CD200R1: variants seen among roughly 807,000 people sequenced by gnomAD.
The protein encoded by CD200R1 is CD200 receptor 1.
In CD200R1, 30 loss-of-function variants were observed where a neutral mutation model predicts 38.1. That is an observed-to-expected ratio of 0.79 (90% CI 0.59 to 1.07). The LOEUF is 1.07. CD200R1 is among the 50% of genes least tolerant of loss of function. The pLI is 0.00. For synonymous variants in CD200R1, 128 were observed against 152.1 expected, an observed-to-expected ratio of 0.84 and a Z score of 1.16; for missense variants, 372 against 415.4, an observed-to-expected ratio of 0.90 and a Z score of 0.91.
intron 2 of CD200R1, among the ~76,000 whole-genome samples, chr3:112,939,281 T>G (rs1168077192): frequency 6.6e-6 from 1 of 151,872 alleles, no homozygotes; most frequent in Non-Finnish European, 1.5e-5. Flanking sequence ...CCAGAGAAAT[T>G]AGGCAAGAAA....
chr3:112,963,672 A>C (rs1933079969), intron 1 of CD200R1, among the ~76,000 whole-genome samples: 1 of 152,200 alleles, frequency 6.6e-6, no homozygotes, highest in African/African-American at 2.4e-5. Flanking sequence ...AGCAGAGCAC[A>C]AAAGTTGATA....
In CD200R1 at chr3:112,929,258, C is replaced by T. The variant is rs1940362046; in HGVS notation, c.452G>A (p.Gly151Glu). 1 of 1,614,078 alleles carries T rather than the reference C, an allele frequency of 6.2e-7. No homozygotes were observed. The highest frequency in any genetic ancestry group is 2.2e-5 in the East Asian group (1 of 44,888). The change falls in exon 4 of 8, where the codon GGG (glycine) becomes GAG (glutamate). Residue 151 changes from glycine (G) to glutamate (E), a missense_variant. By Grantham distance (98) the Gly-to-Glu change is moderately conservative. Transcript: ENST00000308611. ...TGTTACCATTATGCATCTGTAATACCCGTCATGAGTGATGGCCACGGTACG... is the reference window on the plus strand; with the variant it reads ...TGTTACCATTATGCATCTGTAATACTCGTCATGAGTGATGGCCACGGTACG... ...QIRTVAITHD[G>E]YYRCIMVTPD...
At chr3:112,955,113 A>T (rs1018946388) in intron 1 of CD200R1, among the ~76,000 whole-genome samples, 1 of 152,214 alleles carries the variant, frequency 6.6e-6, no homozygotes, top group African/African-American at 2.4e-5. Context: ...AGCAAAGGAA[A>T]ACCAATTTGA....
At chr3:112,969,078 C>CA (rs1933235706) in intron 1 of CD200R1, among the ~76,000 whole-genome samples, 1 of 151,920 alleles carries the variant, frequency 6.6e-6, no homozygotes. Context: ...AATATATACT[C>CA]ACAATGAATG....
rs1446396704 is a variant in CD200R1 at position 112,922,428 on chromosome 3, T to C, written c.*1249A>G. ...GTCATGCCATCCCATGGCCACTTGC[T>C]TATTATGTAGCTCATAGTTTGTAAA... is the stretch of plus-strand genomic sequence containing the variant. On this transcript the variant is annotated 3_prime_UTR_variant, in exon 8 of 8. Transcript: ENST00000308611. 1 of 152,030 alleles carries C rather than the reference T, an allele frequency of 6.6e-6. No homozygotes were observed. The highest frequency in any genetic ancestry group is 1.5e-5 in the Non-Finnish European group (1 of 67,932). 9.4% of individuals were successfully genotyped at this position (152,030 alleles called of 1,614,324 possible).
Position 112,974,967 on chromosome 3 carries a change from C to A in CD200R1, c.-110G>T. On this transcript the variant is annotated 5_prime_UTR_variant, in exon 1 of 8. Coordinates refer to ENST00000308611, the MANE Select transcript of CD200R1 (RefSeq NM_138806.4). ...TCTGGTCAACTTCTCAGTACAGGAT[C>A]CTCTTACCCCATCAACAGTGGGGCA... 1 of 808,842 alleles carries A rather than the reference C, an allele frequency of 1.2e-6. No homozygotes were observed. 50.1% of individuals were successfully genotyped at this position (808,842 alleles called of 1,614,324 possible). A position where few individuals can be genotyped will look rare whatever the true frequency, so the allele number is the denominator to read the frequency against.
At chr3:112,970,163 T>C (rs1933266812) in intron 1 of CD200R1, among the ~76,000 whole-genome samples, 1 of 151,990 alleles carries the variant, frequency 6.6e-6, no homozygotes, top group African/African-American at 2.4e-5. Flanking sequence ...GAGTGATAGA[T>C]AGAGTAAGAC....
chr3:112,925,928 A>G (rs753910075), intron 5 of CD200R1, among the ~76,000 whole-genome samples: 1 of 152,128 alleles, frequency 6.6e-6, no homozygotes, highest in Non-Finnish European at 1.5e-5. Context: ...CTTTTTCAAT[A>G]CAGACTCCAG....
chr3:112,941,214 G>T (rs1940720753), intron 2 of CD200R1, among the ~76,000 whole-genome samples: 1 of 151,668 alleles, frequency 6.6e-6, no homozygotes, highest in African/African-American at 2.4e-5. Context: ...AGCTAGGTAG[G>T]ATGAGCAAGT....
intron 1 of CD200R1, among the ~76,000 whole-genome samples, chr3:112,952,362 A>AT (rs1024476576): frequency 2.6e-5 from 4 of 152,206 alleles, no homozygotes; most frequent in African/African-American, 7.2e-5. Context: ...TACTAAATTC[A>AT]TTTTTTAGTT....
At chr3:112,950,727 A>T (rs1199974320) in intron 1 of CD200R1, among the ~76,000 whole-genome samples, 1 of 152,214 alleles carries the variant, frequency 6.6e-6, no homozygotes, top group Non-Finnish European at 1.5e-5. Context: ...ATGTCCTCCA[A>T]CCAAAACAGA....
chr3:112,973,591 G>C (rs1933362622), intron 1 of CD200R1, among the ~76,000 whole-genome samples: 1 of 152,148 alleles, frequency 6.6e-6, no homozygotes, highest in Non-Finnish European at 1.5e-5. Flanking sequence ...AAAAAAGCAT[G>C]TGAAAATTCT....
At chr3:112,929,979 C>T (rs547491926) in intron 3 of CD200R1, among the ~76,000 whole-genome samples, 6 of 152,094 alleles carry the variant, frequency 3.9e-5, no homozygotes, top group South Asian at 2.1e-4. Context: ...TTCAGACAAA[C>T]ATAAATGTGG....
chr3:112,924,455 TA>T, intron 7 of CD200R1, 34 bp downstream of exon 7: 1 of 1,288,986 alleles, frequency 7.8e-7, no homozygotes, highest in Non-Finnish European at 1.0e-6. Flanking sequence ...ACTATTGGCT[TA>T]AGTTTGCAAT....
At chr3:112,957,964 C>G (rs759024695) in intron 1 of CD200R1, among the ~76,000 whole-genome samples, 1 of 151,926 alleles carries the variant, frequency 6.6e-6, no homozygotes, top group African/African-American at 2.4e-5. Context: ...ATAAGTATGG[C>G]TAAAATTAAA....
chr3:112,957,713 A>G (rs1042397025), intron 1 of CD200R1, among the ~76,000 whole-genome samples: 63 of 152,310 alleles, frequency 4.1e-4, no homozygotes, highest in African/African-American at 1.4e-3. Flanking sequence ...ACCATACAGT[A>G]AAAGAAAATG....
At chr3:112,966,555 C>A (rs1933167874) in intron 1 of CD200R1, among the ~76,000 whole-genome samples, 1 of 151,908 alleles carries the variant, frequency 6.6e-6, no homozygotes, top group Non-Finnish European at 1.5e-5. Context: ...ACCAGATATT[C>A]TCATATTATG....
At chr3:112,967,520 T>C (rs1933198320) in intron 1 of CD200R1, among the ~76,000 whole-genome samples, 1 of 152,240 alleles carries the variant, frequency 6.6e-6, no homozygotes, top group African/African-American at 2.4e-5. Flanking sequence ...TTTGCAGTAA[T>C]TGATTTAATA....
chr3:112,937,657 T>C (rs1940616555), intron 2 of CD200R1, among the ~76,000 whole-genome samples: 1 of 151,972 alleles, frequency 6.6e-6, no homozygotes, highest in African/African-American at 2.4e-5. Context: ...TTGCTGAGAA[T>C]TGCCTTTGCT....
Sources: allele counts gnomAD v4.1 joint callset (sites outside exome capture counted in the v4.1 genomes callset), GRCh38; gene constraint gnomAD v4.1.1; transcripts MANE v1.5; gene names NCBI Gene and HGNC (gene_info 2026-07-23, HGNC 2026-07-21).